Variants in AP2B1 observed in about 807,000 individuals in gnomAD.
AP2B1 encodes the protein adaptor related protein complex 2 subunit beta 1, also known as AP-2 complex subunit beta.
Under a neutral mutation model 102.0 loss-of-function variants are expected in AP2B1, and 23 were observed. That is an observed-to-expected ratio of 0.23 (90% confidence interval 0.16 to 0.32). The LOEUF (loss-of-function observed/expected upper bound fraction) is 0.32. AP2B1 is among the 10% of genes least tolerant of loss of function. The pLI, the probability that AP2B1 is intolerant of heterozygous loss-of-function variation, is 1.00. For missense variants in AP2B1, 541 were observed against 1,157.4 expected (o/e 0.47, Z 7.73); for synonymous variants, 381 against 421.2 (o/e 0.90, Z 1.17).
At chr17:35,640,567 T>G (rs774155193) in intron 11 of AP2B1, among the ~76,000 whole-genome samples, 2 of 152,190 alleles carry the variant, frequency 1.3e-5, no homozygotes, top group Admixed American at 1.3e-4. Flanking sequence ...GTTAAAAACC[T>G]ACATAACTCA....
At chr17:35,679,957 G>A (rs992873396) in intron 17 of AP2B1, among the ~76,000 whole-genome samples, 1 of 145,640 alleles carries the variant, frequency 6.9e-6, no homozygotes, top group Non-Finnish European at 1.5e-5. Context: ...ACAGAGTTTC[G>A]CTCTTGTTGC....
chr17:35,684,942 C>A (rs192736144), intron 18 of AP2B1, among the ~76,000 whole-genome samples: 24 of 152,270 alleles, frequency 1.6e-4, no homozygotes, highest in Admixed American at 1.5e-3. Context: ...AGTTTACTTT[C>A]CTGTTGGCAT....
At chr17:35,689,262 C>G (rs1307654870) in intron 18 of AP2B1, among the ~76,000 whole-genome samples, 2 of 152,178 alleles carry the variant, frequency 1.3e-5, no homozygotes, top group African/African-American at 4.8e-5. Flanking sequence ...TCACTGCAAC[C>G]TCTGCCTCCC....
intron 5 of AP2B1, among the ~76,000 whole-genome samples, chr17:35,609,799 T>C (rs555206361): frequency 6.6e-6 from 1 of 152,320 alleles, no homozygotes; most frequent in South Asian, 2.1e-4. Context: ...AATTAGAATT[T>C]GGCTGGACAT....
chr17:35,605,291 C>T (rs1422353130), intron 3 of AP2B1, among the ~76,000 whole-genome samples: 2 of 151,006 alleles, frequency 1.3e-5, no homozygotes, highest in Non-Finnish European at 2.9e-5. Flanking sequence ...TCTTGTTGCC[C>T]AGGCTGGAGT....
chr17:35,656,489 A>C (rs1015298583), intron 13 of AP2B1, among the ~76,000 whole-genome samples: 2 of 152,190 alleles, frequency 1.3e-5, no homozygotes, highest in African/African-American at 4.8e-5. Flanking sequence ...CCATTCTCCT[A>C]ACTTCAGTCC....
chr17:35,605,695 C>T lies in AP2B1; in HGVS notation c.144-10C>T, dbSNP rs185033376. On this transcript the variant is annotated splice_polypyrimidine_tract_variant and intron_variant, in intron 3 of 21. Coordinates refer to ENST00000610402, the MANE Select transcript of AP2B1 (RefSeq NM_001030006.2). ...TTACTTTCCTTTTCTCTTTTACCCTCTCTTCTCAGTTCTCTCTTTCCAGAC... is the reference window on the plus strand; with the variant it reads ...TTACTTTCCTTTTCTCTTTTACCCTTTCTTCTCAGTTCTCTCTTTCCAGAC... 1,888 of 1,600,692 alleles carry T rather than the reference C, an allele frequency of 1.2e-3. 4 individuals are homozygous for T. The highest frequency in any genetic ancestry group is 1.7e-3 in the Admixed American group (97 of 58,402).
chr17:35,650,592 C>G lies in AP2B1; in HGVS notation c.1599C>G (p.Asp533Glu). The part of the protein sequence containing the change: ...GYIYWRLLST[D>E]PVTAKEVVLS... ...TTTATTGGCGCCTTCTCTCAACTGA[C>G]CCTGTTACAGCTAAAGAAGTAGTCT... The change falls in exon 13 of 22, where the codon GAC becomes GAG. Residue 533 changes from aspartate (D) to glutamate (E), a missense_variant. Asp to Glu is a conservative substitution (Grantham distance 45, BLOSUM62 2). This residue lies in a region of AP2B1 where 106 missense variants were observed against 296.4 expected (regional missense o/e 0.36). Coordinates refer to ENST00000610402, the MANE Select transcript of AP2B1 (RefSeq NM_001030006.2). 6.2e-7 allele frequency: 1 copy of G among 1,614,160 alleles called. No homozygotes were observed. The highest frequency in any genetic ancestry group is 1.3e-5 in the African/African-American group (1 of 75,034).
chr17:35,591,429 T>C (rs1282504894), intron 1 of AP2B1, among the ~76,000 whole-genome samples: 3 of 152,118 alleles, frequency 2.0e-5, no homozygotes, highest in East Asian at 1.9e-4. Context: ...CGCCTCGTCC[T>C]CCCAAAGTGT....
At chr17:35,689,914 T>G (rs587756399) in intron 18 of AP2B1, among the ~76,000 whole-genome samples, 86 of 152,346 alleles carry the variant, frequency 5.6e-4, no homozygotes, top group Middle Eastern at 6.8e-3. Flanking sequence ...TTGGCTATTA[T>G]GCATGTAGTT....
chr17:35,665,931 G>A (rs559290167), intron 14 of AP2B1, among the ~76,000 whole-genome samples: 7 of 152,254 alleles, frequency 4.6e-5, no homozygotes, highest in South Asian at 2.1e-4. Flanking sequence ...TTTCCAGTCC[G>A]CTCAGTGGTT....
intron 20 of AP2B1, among the ~76,000 whole-genome samples, chr17:35,711,665 G>GT (rs2076454211): frequency 6.6e-6 from 1 of 152,150 alleles, no homozygotes; most frequent in Admixed American, 6.5e-5. Context: ...TAGAGACGGG[G>GT]TTTCACCCTG....
intron 3 of AP2B1, among the ~76,000 whole-genome samples, chr17:35,602,926 G>C (rs56133510): frequency 6.6e-6 from 1 of 151,978 alleles, no homozygotes; most frequent in Non-Finnish European, 1.5e-5. Flanking sequence ...ACTGGTTATC[G>C]TTGTTTTGTG....
chr17:35,715,051 C>T (rs919214163), intron 20 of AP2B1, among the ~76,000 whole-genome samples: 1 of 152,220 alleles, frequency 6.6e-6, no homozygotes, highest in African/African-American at 2.4e-5. Context: ...AGAATCTCAT[C>T]ATTCTGCAAT....
intron 18 of AP2B1, among the ~76,000 whole-genome samples, chr17:35,700,833 A>G (rs991482417): frequency 1.3e-5 from 2 of 152,234 alleles, no homozygotes; most frequent in African/African-American, 2.4e-5. Flanking sequence ...GTAACTTTAA[A>G]CAATCATTGT....
intron 19 of AP2B1, 45 bp downstream of exon 19, chr17:35,709,353 C>A: frequency 6.6e-7 from 1 of 1,514,992 alleles, no homozygotes; most frequent in Non-Finnish European, 9.2e-7. Flanking sequence ...CTTTGCCCTT[C>A]CTGTGCATGT....
intron 14 of AP2B1, among the ~76,000 whole-genome samples, chr17:35,660,428 G>T (rs940330619): frequency 6.6e-6 from 1 of 151,466 alleles, no homozygotes; most frequent in Non-Finnish European, 1.5e-5. Flanking sequence ...CTTCAGTTTA[G>T]TGTTTGAACT....
chr17:35,621,415 T>A, intron 5 of AP2B1: 1 of 865,756 alleles, frequency 1.2e-6, no homozygotes, highest in Non-Finnish European at 1.4e-6. Flanking sequence ...ACTGTGGAGA[T>A]TAGGAGATGA....
chr17:35,679,425 G>A (rs1447666697), intron 17 of AP2B1, among the ~76,000 whole-genome samples: 1 of 148,502 alleles, frequency 6.7e-6, no homozygotes, highest in Non-Finnish European at 1.5e-5. Context: ...TTCATATGCT[G>A]CTCCTGTTTG....
Sources: allele counts gnomAD v4.1 joint callset (sites outside exome capture counted in the v4.1 genomes callset), GRCh38; gene constraint gnomAD v4.1.1; regional missense constraint gnomAD v4.1.1; transcripts MANE v1.5; gene names NCBI Gene and HGNC (gene_info 2026-07-23, HGNC 2026-07-21).